Variants in ENOX1 observed in about 807,000 individuals in gnomAD.
ENOX1 encodes the protein candidate growth-related and time keeping constitutive hydroquinone (NADH) oxidase.
In ENOX1, 42 loss-of-function variants were observed where a neutral mutation model predicts 82.5. The ratio of observed to expected loss-of-function variants is 0.51; its 90% CI spans 0.40 to 0.66. The LOEUF (loss-of-function observed/expected upper bound fraction) is 0.66. Ranked by LOEUF, ENOX1 falls within the 30% of genes least tolerant of loss-of-function variation. ENOX1 has a pLI of 0.00. For synonymous variants in ENOX1, 271 were observed against 282.2 expected, an observed-to-expected ratio of 0.96 and a Z score of 0.40; for missense variants, 608 against 811.6, an observed-to-expected ratio of 0.75 and a Z score of 3.05.
chr13:43,395,822 C>T (rs1310793416), intron 5 of ENOX1, among the ~76,000 whole-genome samples: 5 of 152,160 alleles, frequency 3.3e-5, no homozygotes, highest in East Asian at 1.9e-4. Flanking sequence ...ACGTAGGCTG[C>T]GATGGGCTCA....
At chr13:43,668,304 T>C (rs997367863) in intron 1 of ENOX1, among the ~76,000 whole-genome samples, 1 of 152,188 alleles carries the variant, frequency 6.6e-6, no homozygotes, top group Non-Finnish European at 1.5e-5. Flanking sequence ...AGCATGGTTT[T>C]AAAGTGCCTT....
intron 9 of ENOX1, among the ~76,000 whole-genome samples, chr13:43,331,934 G>C (rs1422085441): frequency 1.3e-5 from 2 of 152,210 alleles, no homozygotes; most frequent in Admixed American, 6.5e-5. Context: ...CCAGGAAACA[G>C]AGAATGAATA....
intron 2 of ENOX1, among the ~76,000 whole-genome samples, chr13:43,511,763 T>C (rs2077377249): frequency 6.6e-6 from 1 of 152,268 alleles, no homozygotes; most frequent in Admixed American, 6.5e-5. Flanking sequence ...TTTCACCTCC[T>C]TGTAGGGGAA....
At chr13:43,572,739 T>C (rs2080239186) in intron 2 of ENOX1, among the ~76,000 whole-genome samples, 1 of 152,236 alleles carries the variant, frequency 6.6e-6, no homozygotes. Context: ...CATCAGTTGC[T>C]ATGTGTTCCA....
At chr13:43,360,523 A>G (rs1200639842) in intron 6 of ENOX1, among the ~76,000 whole-genome samples, 1 of 152,136 alleles carries the variant, frequency 6.6e-6, no homozygotes, top group Non-Finnish European at 1.5e-5. Context: ...GCTGTGAAAC[A>G]CCGGGCCTGA....
At chr13:43,576,309 C>T (rs906127618) in intron 2 of ENOX1, among the ~76,000 whole-genome samples, 6 of 152,168 alleles carry the variant, frequency 3.9e-5, no homozygotes, top group South Asian at 4.1e-4. Flanking sequence ...ATCCACTTGC[C>T]GCTATTTTCT....
chr13:43,635,702 G>T (rs186948404), intron 2 of ENOX1, among the ~76,000 whole-genome samples: 5 of 152,152 alleles, frequency 3.3e-5, no homozygotes, highest in Admixed American at 2.6e-4. Flanking sequence ...AGATAAGGCA[G>T]GAAAGGAAGG....
intron 3 of ENOX1, among the ~76,000 whole-genome samples, chr13:43,416,537 A>AAT (rs2054587433): frequency 9.9e-6 from 1 of 100,684 alleles, no homozygotes; most frequent in African/African-American, 4.0e-5. Flanking sequence ...CTTCCCAGAC[A>AAT]GGGCGGCCAG....
In ENOX1 at chr13:43,363,149, T is replaced by G. The variant is rs117395710; in HGVS notation, c.209-1697A>C. ...ACTGACACACAAAAGACTTAAAGTT[T>G]TATAAGTGACAGAGATGACTCTGTT... On this transcript the variant is annotated intron_variant, in intron 5 of 16. Coordinates refer to ENST00000690772, the MANE Select transcript of ENOX1 (RefSeq NM_001347969.2). 1.0e-3 allele frequency among the ~76,000 whole-genome samples: 157 copies of G among 152,322 alleles called. No homozygotes were observed. In the East Asian group the frequency reaches 0.026, roughly 25 times the overall value.
intron 13 of ENOX1, 61 bp from the exon 14 acceptor site, chr13:43,265,515 A>C: frequency 7.2e-7 from 1 of 1,390,314 alleles, no homozygotes; most frequent in Non-Finnish European, 1.0e-6. Context: ...CAAATCTCTT[A>C]AGTATATCAT....
intron 9 of ENOX1, among the ~76,000 whole-genome samples, chr13:43,343,560 A>T (rs1185595163): frequency 6.6e-6 from 1 of 152,166 alleles, no homozygotes; most frequent in East Asian, 1.9e-4. Context: ...TACATTTAAG[A>T]TCTCAGTTTT....
chr13:43,508,090 G>A (rs1011434586), intron 2 of ENOX1, among the ~76,000 whole-genome samples: 3 of 151,996 alleles, frequency 2.0e-5, no homozygotes, highest in East Asian at 1.9e-4. Context: ...TGATTGTTAT[G>A]GTCTGAACTT....
intron 2 of ENOX1, among the ~76,000 whole-genome samples, chr13:43,624,265 A>C (rs2082871589): frequency 6.6e-6 from 1 of 152,006 alleles, no homozygotes; most frequent in South Asian, 2.1e-4. Flanking sequence ...CTATTTTTTA[A>C]CTGAATTGTT....
chr13:43,300,079 T>C (rs2153508410), intron 11 of ENOX1, among the ~76,000 whole-genome samples: 1 of 152,328 alleles, frequency 6.6e-6, no homozygotes, highest in East Asian at 1.9e-4. Context: ...CTCTGTGTAG[T>C]ACACACTGAA....
At chr13:43,275,728 G>A (rs1035598303) in intron 12 of ENOX1, among the ~76,000 whole-genome samples, 1 of 152,184 alleles carries the variant, frequency 6.6e-6, no homozygotes, top group African/African-American at 2.4e-5. Context: ...CCTGCTGTGT[G>A]CATGGTACTG....
At chr13:43,601,695 C>T (rs1161446494) in intron 2 of ENOX1, among the ~76,000 whole-genome samples, 2 of 152,060 alleles carry the variant, frequency 1.3e-5, no homozygotes, top group East Asian at 3.9e-4. Flanking sequence ...TATTCAAGTA[C>T]AAGAAGGTTA....
chr13:43,780,692 T>C (rs1952205755), intron 1 of ENOX1, among the ~76,000 whole-genome samples: 1 of 152,234 alleles, frequency 6.6e-6, no homozygotes. Flanking sequence ...CACAAACACC[T>C]GGAATTATGA....
At chr13:43,406,549 G>A (rs113408930) in intron 5 of ENOX1, among the ~76,000 whole-genome samples, 114 of 147,938 alleles carry the variant, frequency 7.7e-4, no homozygotes, top group Middle Eastern at 3.5e-3. Context: ...CTGGAGTGCA[G>A]TGGCGCCATC....
chr13:43,617,328 C>A (rs1156977276), intron 2 of ENOX1, among the ~76,000 whole-genome samples: 1 of 152,206 alleles, frequency 6.6e-6, no homozygotes, highest in African/African-American at 2.4e-5. Flanking sequence ...GAGGACAAAT[C>A]CCTGTTATGA....
Sources: gnomAD v4.1 joint callset for allele counts (sites outside exome capture counted in the v4.1 genomes callset) on GRCh38, gnomAD v4.1.1 for gene constraint, MANE v1.5 for transcripts, NCBI Gene and HGNC (gene_info 2026-07-23, HGNC 2026-07-21) for gene names.